The following KAZN variants were observed in gnomAD, a reference collection of about 807,000 sequenced individuals.
KAZN encodes kazrin, periplakin interacting protein.
Under a neutral mutation model 87.4 loss-of-function variants are expected in KAZN, and 40 were observed. The observed-to-expected ratio is 0.46, with a 90% CI of 0.36 to 0.60. The LOEUF (loss-of-function observed/expected upper bound fraction) is 0.60. Ranked by LOEUF, KAZN falls within the 20% of genes least tolerant of loss-of-function variation. The pLI, the probability that KAZN is intolerant of heterozygous loss-of-function variation, is 0.00. For synonymous variants in KAZN, 466 were observed against 458.3 expected, an observed-to-expected ratio of 1.02 and a Z score of -0.22; for missense variants, 898 against 1,073.9, an observed-to-expected ratio of 0.84 and a Z score of 2.29.
At chr1:14,585,251 C>T (rs1316400014) in intron 2 of KAZN, among the ~76,000 whole-genome samples, 3 of 152,206 alleles carry the variant, frequency 2.0e-5, no homozygotes, top group Non-Finnish European at 4.4e-5. Flanking sequence ...CAAAGTACTA[C>T]AGGCAGGATG....
chr1:14,009,476 T>C (rs1570515407), intron 1 of KAZN, among the ~76,000 whole-genome samples: 1 of 152,306 alleles, frequency 6.6e-6, no homozygotes, highest in South Asian at 2.1e-4. Flanking sequence ...CATCAACACT[T>C]GTTTTCTGTT....
At chr1:14,936,258 T>C (rs1312353712) in intron 1 of KAZN, among the ~76,000 whole-genome samples, 1 of 152,170 alleles carries the variant, frequency 6.6e-6, no homozygotes, top group Non-Finnish European at 1.5e-5. Flanking sequence ...TGTGGTTGCT[T>C]TACGAGAGCC....
intron 1 of KAZN, among the ~76,000 whole-genome samples, chr1:14,835,944 C>A (rs189311736): frequency 4.6e-5 from 7 of 152,266 alleles, no homozygotes; most frequent in Admixed American, 4.6e-4. Flanking sequence ...TCAGCAGATG[C>A]AGGCCAAAAT....
At chr1:13,953,461 T>C (rs550269514) in intron 1 of KAZN, among the ~76,000 whole-genome samples, 1 of 152,346 alleles carries the variant, frequency 6.6e-6, no homozygotes, top group South Asian at 2.1e-4. Context: ...GAATGGTTGT[T>C]TGTCTGATTA....
chr1:14,837,830 C>G (rs1647451666), intron 1 of KAZN, among the ~76,000 whole-genome samples: 1 of 151,972 alleles, frequency 6.6e-6, no homozygotes, highest in Admixed American at 6.6e-5. Context: ...GCTGGGATTA[C>G]AGGCGTGAGC....
rs1487407382 is a variant in KAZN at position 14,022,485 on chromosome 1, C to A, written c.91+128729C>A. ...CATTATAGCTTTCACGTATTTAAAG[C>A]AAAAAAAAAAAAAAAAAAAAAAAAA... On this transcript the variant is annotated intron_variant, in intron 1 of 16. Transcript: ENST00000636203. 1.4e-4 allele frequency among the ~76,000 whole-genome samples: 16 copies of A among 110,500 alleles called. No individual in the cohort carries two copies. The East Asian group carries it at 1.8e-3, about 12-fold the overall frequency. 72.5% of individuals were successfully genotyped at this position (110,500 alleles called of 152,430 possible). A position where few individuals can be genotyped will look rare whatever the true frequency, so the allele number is the denominator to read the frequency against.
At chr1:14,032,472 C>A (rs1280202626) in intron 1 of KAZN, among the ~76,000 whole-genome samples, 1 of 152,150 alleles carries the variant, frequency 6.6e-6, no homozygotes, top group Non-Finnish European at 1.5e-5. Flanking sequence ...TATCTCAGAG[C>A]CTTCTCCTTA....
chr1:14,698,866 C>T (rs1294346176), intron 1 of KAZN, among the ~76,000 whole-genome samples: 3 of 152,232 alleles, frequency 2.0e-5, no homozygotes, highest in Non-Finnish European at 2.9e-5. Flanking sequence ...AAACAAGCTC[C>T]GCTGGTCTAA....
In KAZN at chr1:13,968,396, C is replaced by T. The variant is rs543434704; in HGVS notation, c.91+74640C>T. Among the ~76,000 whole-genome samples the T allele has an allele frequency of 5.3e-4, 80 of 152,254 alleles. 1 individual carries two copies. Among genetic ancestry groups the T allele is most frequent in the East Asian group, 5.8e-4 (3 of 5,176 alleles). On this transcript the variant is annotated intron_variant, in intron 1 of 16. Coordinates refer to the KAZN transcript ENST00000636203. ...CCTTGGAACTTCCACTGTGGATCCC[C>T]GACAGGCAAAATGGGCTTGAAGCCA... is the stretch of plus-strand genomic sequence containing the variant.
At chr1:14,392,740 G>A (rs774846171) in intron 2 of KAZN, among the ~76,000 whole-genome samples, 13 of 152,140 alleles carry the variant, frequency 8.5e-5, no homozygotes, top group Admixed American at 4.6e-4. Flanking sequence ...TCCCCTGGGC[G>A]GAGGCGGGTG....
chr1:14,346,434 C>G (rs1263146094), intron 2 of KAZN, among the ~76,000 whole-genome samples: 2 of 152,048 alleles, frequency 1.3e-5, no homozygotes, highest in Non-Finnish European at 2.9e-5. Context: ...CTTTCTCAGC[C>G]CTCCTGGGGT....
chr1:14,779,837 G>A (rs1281827485), intron 1 of KAZN, among the ~76,000 whole-genome samples: 1 of 152,176 alleles, frequency 6.6e-6, no homozygotes, highest in African/African-American at 2.4e-5. Flanking sequence ...GAAGTGACAC[G>A]TAAACAAGAC....
At chr1:14,414,459 A>G (rs539493136) in intron 2 of KAZN, among the ~76,000 whole-genome samples, 1 of 152,316 alleles carries the variant, frequency 6.6e-6, no homozygotes, top group East Asian at 1.9e-4. Context: ...GTCATACAAC[A>G]GTTAAAATGA....
chr1:14,845,893 T>C (rs1648695797), intron 1 of KAZN, among the ~76,000 whole-genome samples: 1 of 151,920 alleles, frequency 6.6e-6, no homozygotes, highest in African/African-American at 2.4e-5. Flanking sequence ...GAATGTTGGG[T>C]GAAGGCATCC....
intron 1 of KAZN, among the ~76,000 whole-genome samples, chr1:14,707,825 C>A (rs1452769543): frequency 2.6e-5 from 4 of 152,160 alleles, no homozygotes; most frequent in Non-Finnish European, 4.4e-5. Context: ...GGTTTCATTT[C>A]TCGGCACTCT....
In KAZN at chr1:14,025,921, T is replaced by G. The variant is rs1026276628; in HGVS notation, c.91+132165T>G. 2.0e-4 allele frequency among the ~76,000 whole-genome samples: 30 copies of G among 152,284 alleles called. No homozygotes were observed. In the South Asian group the frequency reaches 2.3e-3, roughly 12 times the overall value. On this transcript the variant is annotated intron_variant, in intron 1 of 16. Coordinates refer to the KAZN transcript ENST00000636203. ...GTTTAGAGACTATAGACTCTTCAACTGGATGCAGAGTATGGAGCTATAGTA... is the reference window on the plus strand; with the variant it reads ...GTTTAGAGACTATAGACTCTTCAACGGGATGCAGAGTATGGAGCTATAGTA...
intron 1 of KAZN, among the ~76,000 whole-genome samples, chr1:13,917,366 A>G (rs2100889341): frequency 6.6e-6 from 1 of 152,364 alleles, no homozygotes; most frequent in South Asian, 2.1e-4. Context: ...TTACATAGCT[A>G]GAGAGGAAAA....
intron 1 of KAZN, among the ~76,000 whole-genome samples, chr1:14,817,935 G>A (rs1646621714): frequency 6.6e-6 from 1 of 152,234 alleles, no homozygotes; most frequent in African/African-American, 2.4e-5. Flanking sequence ...GAGTGATTCA[G>A]ATTCATGCTC....
intron 2 of KAZN, among the ~76,000 whole-genome samples, chr1:14,270,455 G>A (rs1651829008): frequency 6.6e-6 from 1 of 152,190 alleles, no homozygotes; most frequent in African/African-American, 2.4e-5. Flanking sequence ...CTGAGCTTTA[G>A]TTTCACCCAT....
Sources: gnomAD v4.1 joint callset for allele counts (sites outside exome capture counted in the v4.1 genomes callset) on GRCh38, gnomAD v4.1.1 for gene constraint, MANE v1.5 for transcripts, NCBI Gene and HGNC (gene_info 2026-07-23, HGNC 2026-07-21) for gene names.